Variants in TSPAN18 observed in about 807,000 individuals in gnomAD.
The protein encoded by TSPAN18 is tetraspanin-18.
Under a neutral mutation model 27.3 loss-of-function variants are expected in TSPAN18, and 14 were observed. The ratio of observed to expected loss-of-function variants is 0.51; its 90% CI spans 0.34 to 0.80. TSPAN18 has a LOEUF of 0.80. Among genes scored for constraint, TSPAN18 ranks in the 30% least tolerant of loss-of-function variants. The pLI, the probability that TSPAN18 is intolerant of heterozygous loss-of-function variation, is 0.01. For synonymous variants in TSPAN18, 143 were observed against 136.5 expected (o/e 1.05, Z -0.33); for missense variants, 268 against 323.9 (o/e 0.83, Z 1.32).
chr11:44,878,802 T>A (rs745635253), intron 3 of TSPAN18, among the ~76,000 whole-genome samples: 9 of 152,224 alleles, frequency 5.9e-5, no homozygotes, highest in Non-Finnish European at 1.0e-4. Flanking sequence ...CCCACTCTTG[T>A]GTCTGGGCTG....
At chr11:44,880,737 C>T (rs976314994) in intron 3 of TSPAN18, among the ~76,000 whole-genome samples, 2 of 152,240 alleles carry the variant, frequency 1.3e-5, no homozygotes. Context: ...TCAAGGACCT[C>T]TGTATAATGA....
chr11:44,918,648 G>C (rs2135363713), intron 6 of TSPAN18, among the ~76,000 whole-genome samples: 1 of 152,246 alleles, frequency 6.6e-6, no homozygotes, highest in South Asian at 2.1e-4. Context: ...GCACGGAGCA[G>C]AGGAGGAGGC....
intron 3 of TSPAN18, among the ~76,000 whole-genome samples, chr11:44,861,090 G>T (rs1391510057): frequency 1.3e-5 from 2 of 152,074 alleles, no homozygotes; most frequent in African/African-American, 4.8e-5. Flanking sequence ...ATGCTGTTAG[G>T]ACCGTATCTC....
rs1491312887 is a variant in TSPAN18 at position 44,924,130 on chromosome 11, T to TGTGTGTGTGTGA, written c.616-2543_616-2542insTGTGTGTGTGAG. Among the ~76,000 whole-genome samples, 593 of 145,034 alleles carry TGTGTGTGTGTGA rather than the reference T, an allele frequency of 4.1e-3. 5 individuals are homozygous for TGTGTGTGTGTGA. Among genetic ancestry groups the TGTGTGTGTGTGA allele is most frequent in the African/African-American group, 0.014 (565 of 40,128 alleles). On this transcript the variant is annotated intron_variant, in intron 8 of 9. Transcript: ENST00000520358. Reference sequence around the variant, plus strand: ...GTGTGTGTGTGTGTGTGTGTGTGTGTGATTATATTGCAGTGACACCCAACT... The same window carrying TGTGTGTGTGTGA: ...GTGTGTGTGTGTGTGTGTGTGTGTGTGTGTGTGTGTGAGATTATATTGCAGTGACACCCAACT...
intron 3 of TSPAN18, among the ~76,000 whole-genome samples, chr11:44,870,912 C>T (rs1047565213): frequency 6.6e-6 from 1 of 152,274 alleles, no homozygotes; most frequent in African/African-American, 2.4e-5. Context: ...GTTTTGCTGA[C>T]TAGACTCACA....
At chr11:44,901,890 C>A (rs114428605) in intron 3 of TSPAN18, among the ~76,000 whole-genome samples, 1 of 152,328 alleles carries the variant, frequency 6.6e-6, no homozygotes, top group East Asian at 1.9e-4. Flanking sequence ...ATAGTACGTC[C>A]TGCTTTAGGG....
At chr11:44,767,204 G>C (rs547865567) in intron 2 of TSPAN18, among the ~76,000 whole-genome samples, 17 of 152,324 alleles carry the variant, frequency 1.1e-4, no homozygotes, top group Middle Eastern at 3.4e-3. Flanking sequence ...GCTACCTCAA[G>C]TATGAGCAGT....
intron 1 of TSPAN18, among the ~76,000 whole-genome samples, chr11:44,741,425 T>C (rs1854929618): frequency 6.7e-6 from 1 of 148,394 alleles, no homozygotes; most frequent in Non-Finnish European, 1.5e-5. Flanking sequence ...CAAAGGTCTA[T>C]TCAAACCTGT....
chr11:44,912,144 C>G (rs557958006), intron 5 of TSPAN18, among the ~76,000 whole-genome samples: 1 of 152,026 alleles, frequency 6.6e-6, no homozygotes, highest in Non-Finnish European at 1.5e-5. Flanking sequence ...ACCTCAGCCC[C>G]CCGAGTAGCT....
At chr11:44,911,865 G>T (rs1023233182) in intron 5 of TSPAN18, among the ~76,000 whole-genome samples, 1 of 152,188 alleles carries the variant, frequency 6.6e-6, no homozygotes, top group African/African-American at 2.4e-5. Context: ...CCTCCCGAGA[G>T]AGGTGATCCT....
At chr11:44,783,841 T>C (rs1224824046) in intron 2 of TSPAN18, among the ~76,000 whole-genome samples, 1 of 152,230 alleles carries the variant, frequency 6.6e-6, no homozygotes, top group African/African-American at 2.4e-5. Context: ...CTAAACTCTT[T>C]CACCCTGGCA....
rs79583156 is a variant in TSPAN18 at position 44,897,655 on chromosome 11, T to A, written c.-10-8752T>A. The A allele has an allele frequency of 5.0e-3, 3,469 of 697,136 alleles. 95 individuals are homozygous for A. In the African/African-American group the frequency reaches 0.057, roughly 12 times the overall value. The allele number at this position is 697,136 out of a possible 1,614,324, so 43.2% of individuals were successfully genotyped here. A position where few individuals can be genotyped will look rare whatever the true frequency, so the allele number is the denominator to read the frequency against. On this transcript the variant is annotated intron_variant, in intron 3 of 9. Coordinates refer to ENST00000520358, the MANE Select transcript of TSPAN18 (RefSeq NM_130783.5). ...TAGCAGGACAGTTGCCCCGAGTGTG[T>A]GTATCTGGAGGGCGGGTTTTCATAA...
intron 3 of TSPAN18, among the ~76,000 whole-genome samples, chr11:44,873,295 C>G (rs1858244997): frequency 6.6e-6 from 1 of 152,166 alleles, no homozygotes; most frequent in Non-Finnish European, 1.5e-5. Context: ...TTTTTTCCAG[C>G]ACTCAAGGGA....
At chr11:44,813,003 T>C (rs1856750453) in intron 2 of TSPAN18, among the ~76,000 whole-genome samples, 1 of 152,184 alleles carries the variant, frequency 6.6e-6, no homozygotes, top group African/African-American at 2.4e-5. Flanking sequence ...AGGCCTGCTC[T>C]TTCTGGGGCC....
chr11:44,749,900 T>G (rs2134851757), intron 1 of TSPAN18, among the ~76,000 whole-genome samples: 1 of 152,324 alleles, frequency 6.6e-6, no homozygotes, highest in East Asian at 1.9e-4. Context: ...CCTCCCAAAG[T>G]GCTGGGATTA....
intron 2 of TSPAN18, among the ~76,000 whole-genome samples, chr11:44,841,590 G>A (rs2135166613): frequency 6.6e-6 from 1 of 152,270 alleles, no homozygotes; most frequent in South Asian, 2.1e-4. Context: ...AAGAAAGGCT[G>A]CCTTACTTAC....
intron 2 of TSPAN18, among the ~76,000 whole-genome samples, chr11:44,857,186 A>G (rs1037538801): frequency 2.6e-5 from 4 of 151,562 alleles, no homozygotes; most frequent in African/African-American, 9.8e-5. Context: ...TCCCTGGGGA[A>G]CTCTCTGCTG....
intron 1 of TSPAN18, among the ~76,000 whole-genome samples, chr11:44,738,420 G>A (rs1352737061): frequency 6.6e-6 from 1 of 152,232 alleles, no homozygotes; most frequent in Admixed American, 6.5e-5. Context: ...CCTTGGACAA[G>A]CTCCTCAACC....
chr11:44,833,677 G>A (rs1168628076), intron 2 of TSPAN18, among the ~76,000 whole-genome samples: 3 of 152,114 alleles, frequency 2.0e-5, no homozygotes, highest in Non-Finnish European at 4.4e-5. Flanking sequence ...GGCTGGGCAG[G>A]GGAGAGGGAC....
Sources: gnomAD v4.1 joint callset for allele counts (sites outside exome capture counted in the v4.1 genomes callset) on GRCh38, gnomAD v4.1.1 for gene constraint, MANE v1.5 for transcripts, NCBI Gene and HGNC (gene_info 2026-07-23, HGNC 2026-07-21) for gene names.